FHIT: variants seen among roughly 807,000 people sequenced by gnomAD.
FHIT encodes the protein bis(5'-adenosyl)-triphosphatase.
FHIT carries 19 observed loss-of-function variants against 17.9 expected under a neutral mutation model. That is an observed-to-expected ratio of 1.06 (90% CI 0.74 to 1.56). The LOEUF is 1.56. FHIT is among the 40% of genes most tolerant of loss of function. FHIT has a pLI of 0.00. For synonymous variants in FHIT, 81 were observed against 69.7 expected (o/e 1.16, Z -0.81); for missense variants, 248 against 189.2 (o/e 1.31, Z -1.82).
At chr3:61,105,730 C>A (rs2035970511) in intron 2 of FHIT, among the ~76,000 whole-genome samples, 1 of 152,142 alleles carries the variant, frequency 6.6e-6, no homozygotes, top group African/African-American at 2.4e-5. Context: ...TACCCTTATA[C>A]TCACTTGGGA....
At chr3:61,246,536 G>A (rs1470577344) in intron 1 of FHIT, among the ~76,000 whole-genome samples, 1 of 152,114 alleles carries the variant, frequency 6.6e-6, no homozygotes, top group Non-Finnish European at 1.5e-5. Context: ...CGAAATGCAG[G>A]TAACCGGACT....
At chr3:60,369,581 A>T (rs1027027737) in intron 5 of FHIT, among the ~76,000 whole-genome samples, 1 of 152,066 alleles carries the variant, frequency 6.6e-6, no homozygotes, top group African/African-American at 2.4e-5. Context: ...GATTCTCTTG[A>T]TCCTTTCACG....
At chr3:61,046,620 A>T (rs989078185) in intron 2 of FHIT, among the ~76,000 whole-genome samples, 3 of 152,208 alleles carry the variant, frequency 2.0e-5, no homozygotes, top group Non-Finnish European at 2.9e-5. Context: ...AGAAAGAGGG[A>T]ATCATCCCTA....
chr3:60,043,500 A>G (rs571120710), intron 5 of FHIT, among the ~76,000 whole-genome samples: 1 of 152,316 alleles, frequency 6.6e-6, no homozygotes, highest in Admixed American at 6.5e-5. Flanking sequence ...TGTCTTGCTA[A>G]AGCTACCAGC....
chr3:60,152,066 A>G (rs1378050934), intron 5 of FHIT, among the ~76,000 whole-genome samples: 2 of 152,190 alleles, frequency 1.3e-5, no homozygotes, highest in Non-Finnish European at 1.5e-5. Flanking sequence ...CAATAAATGA[A>G]TCTTCCAACA....
At chr3:61,139,862 C>T (rs2037026099) in intron 2 of FHIT, among the ~76,000 whole-genome samples, 6 of 152,016 alleles carry the variant, frequency 3.9e-5, no homozygotes, top group Admixed American at 3.9e-4. Flanking sequence ...TCACTGAGCA[C>T]AGTCATTTGA....
intron 2 of FHIT, among the ~76,000 whole-genome samples, chr3:61,060,227 T>C (rs7650123): frequency 0.55 from 83,460 of 152,120 alleles, 24,039 homozygotes; most frequent in Non-Finnish European, 0.65. Flanking sequence ...AGAAGTTTGA[T>C]GGTATAGTTG....
intron 8 of FHIT, among the ~76,000 whole-genome samples, chr3:59,858,153 G>T (rs1349333822): frequency 6.6e-6 from 1 of 151,900 alleles, no homozygotes; most frequent in Non-Finnish European, 1.5e-5. Flanking sequence ...ATGTGTGACT[G>T]CTGTGAAAGG....
intron 4 of FHIT, among the ~76,000 whole-genome samples, chr3:60,593,515 T>C (rs1304087467): frequency 1.3e-5 from 2 of 152,172 alleles, no homozygotes; most frequent in Non-Finnish European, 2.9e-5. Flanking sequence ...TTCTCTATTT[T>C]AGCTTTCTAC....
At chr3:60,411,474 A>G (rs1236025998) in intron 5 of FHIT, among the ~76,000 whole-genome samples, 1 of 152,180 alleles carries the variant, frequency 6.6e-6, no homozygotes, top group Non-Finnish European at 1.5e-5. Flanking sequence ...CAAAACATTG[A>G]GGAACTGCCA....
At chr3:59,922,201 T>C (rs1705438343) in intron 8 of FHIT, 145 bp downstream of exon 8, 2 of 711,920 alleles carry the variant, frequency 2.8e-6, no homozygotes, top group African/African-American at 1.8e-5. Flanking sequence ...TCTTGACTCC[T>C]TGGCCTCTAT....
At chr3:60,987,699 T>C (rs1326558091) in intron 3 of FHIT, among the ~76,000 whole-genome samples, 2 of 152,206 alleles carry the variant, frequency 1.3e-5, no homozygotes, top group African/African-American at 4.8e-5. Flanking sequence ...ACCAAGCTGG[T>C]CTTGGCAAGC....
At chr3:60,391,646 A>G (rs537233436) in intron 5 of FHIT, among the ~76,000 whole-genome samples, 10 of 152,320 alleles carry the variant, frequency 6.6e-5, no homozygotes, top group African/African-American at 2.4e-4. Context: ...GCTGCATATA[A>G]TATTCAGTAC....
chr3:59,976,980 TGGTTGG>T (rs1209312392), intron 7 of FHIT, among the ~76,000 whole-genome samples: 1 of 152,000 alleles, frequency 6.6e-6, no homozygotes, highest in Non-Finnish European at 1.5e-5. Context: ...GCACACCACC[TGGTTGG>T]GGTTGGGGTC....
chr3:59,817,503 T>C (rs569422685), intron 8 of FHIT, among the ~76,000 whole-genome samples: 1 of 130,278 alleles, frequency 7.7e-6, no homozygotes, highest in Non-Finnish European at 1.5e-5. Flanking sequence ...CGGGGCTGCA[T>C]AATGAGTTCT....
At chr3:59,972,789 T>C (rs3821479) in intron 7 of FHIT, among the ~76,000 whole-genome samples, 51,396 of 151,918 alleles carry the variant, frequency 0.34, 10,202 homozygotes, top group East Asian at 0.53. Flanking sequence ...TCCTGTTCAT[T>C]TGGGATTGGT....
Position 60,710,558 on chromosome 3 carries a change from C to A in FHIT, c.-18+111361G>T, listed in dbSNP as rs201404434. On this transcript the variant is annotated intron_variant, in intron 4 of 9. Coordinates refer to ENST00000492590, the MANE Select transcript of FHIT (RefSeq NM_002012.4). ...ACAGACGGCACCTGGAAAATCGGGC[C>A]CCTCCCACCTGAATACCACGCTTTT... Among the ~76,000 whole-genome samples the A allele has an allele frequency of 1.6e-4, 25 of 152,286 alleles. No homozygotes were observed. The East Asian group carries it at 4.3e-3, about 26-fold the overall frequency.
At chr3:60,560,643 G>C (rs2036903363) in intron 4 of FHIT, among the ~76,000 whole-genome samples, 1 of 152,036 alleles carries the variant, frequency 6.6e-6, no homozygotes, top group African/African-American at 2.4e-5. Context: ...TATCTGGCCT[G>C]CTTGCCATAT....
intron 2 of FHIT, among the ~76,000 whole-genome samples, chr3:61,061,755 A>G (rs2034438800): frequency 6.6e-6 from 1 of 152,144 alleles, no homozygotes; most frequent in South Asian, 2.1e-4. Flanking sequence ...TCTCAAATAT[A>G]AAATGATAAT....
Sources: gnomAD v4.1 joint callset for allele counts (sites outside exome capture counted in the v4.1 genomes callset) on GRCh38, gnomAD v4.1.1 for gene constraint, MANE v1.5 for transcripts, NCBI Gene and HGNC (gene_info 2026-07-23, HGNC 2026-07-21) for gene names.